FGD1: variants seen among roughly 807,000 people sequenced by gnomAD.
The protein encoded by FGD1 is FYVE, RhoGEF and PH domain-containing protein 1.
FGD1 carries 12 observed loss-of-function variants against 65.0 expected under a neutral mutation model. The observed-to-expected ratio is 0.18, with a 90% CI of 0.12 to 0.30. FGD1 has a LOEUF of 0.30. Among genes scored for constraint, FGD1 ranks in the 10% least tolerant of loss-of-function variants. The pLI, the probability that FGD1 is intolerant of heterozygous loss-of-function variation, is 1.00. For synonymous variants in FGD1, 333 were observed against 343.9 expected (o/e 0.97, Z 0.35); for missense variants, 542 against 837.6 (o/e 0.65, Z 4.36).
Position 54,468,859 on chromosome X carries a change from C to A in FGD1, c.1119G>T (p.Lys373Asn), listed in dbSNP as rs759381111. The change falls in exon 5 of 18, where the codon AAG (lysine) becomes AAT (asparagine). Residue 373 changes from lysine (K) to asparagine (N), a missense_variant. Around this residue, in one of 6 missense-constraint regions of FGD1, gnomAD observed 297 missense variants for 326.8 expected, o/e 0.91. Coordinates refer to ENST00000375135, the MANE Select transcript of FGD1 (RefSeq NM_004463.3). Reference protein sequence around the residue: ...QESVELTVQQKVFHIANELLQ... With the variant: ...QESVELTVQQNVFHIANELLQ... The stretch of plus-strand genomic sequence containing the variant: ...GGAGCTCATTGGCAATGTGAAACAC[C>A]TTTTGCTGCACAGTCAACTGGAAAG... 2 of 1,200,271 alleles carry A rather than the reference C, an allele frequency of 1.7e-6. No individual in the cohort carries two copies. Among genetic ancestry groups the A allele is most frequent in the African/African-American group, 3.5e-5 (2 of 56,826 alleles).
At chrX:54,477,112 CCACCACTGCCACTCGGACATCTCTTGT>C (rs1328654684) in intron 1 of FGD1, among the ~76,000 whole-genome samples, 2 of 112,894 alleles carry the variant, frequency 1.8e-5, no homozygotes, top group Non-Finnish European at 3.7e-5. Context: ...ACACACACAA[CCACCACTGCCACTCGGACATCTCTTGT>C]CACCTAGGAA....
chrX:54,456,615 G>T, intron 8 of FGD1, 48 bp from the exon 9 acceptor site: 2 of 1,041,400 alleles, frequency 1.9e-6, no homozygotes, highest in Non-Finnish European at 2.6e-6. Context: ...GCAGAGAGGA[G>T]CCTTTCCGGG....
chrX:54,471,017 A>G (rs1475050437), intron 2 of FGD1, among the ~76,000 whole-genome samples: 1 of 108,822 alleles, frequency 9.2e-6, no homozygotes, highest in Non-Finnish European at 1.9e-5. Flanking sequence ...CAAAAAAAAA[A>G]AAAAAAAAAG....
chrX:54,473,985 A>AT (rs201803535), intron 1 of FGD1, among the ~76,000 whole-genome samples: 1,403 of 106,758 alleles, frequency 0.013, 22 homozygotes, highest in African/African-American at 0.045. Flanking sequence ...ATCTCAAAAA[A>AT]AAAATATATA....
Position 54,455,606 on chromosome X carries a change from G to C in FGD1, c.1936-79C>G. The C allele has an allele frequency of 4.6e-6, 5 of 1,090,562 alleles. No individual in the cohort carries two copies. In the South Asian group the frequency reaches 9.5e-5, roughly 21 times the overall value. 89.9% of individuals were successfully genotyped at this position (1,090,562 alleles called of 1,213,427 possible). ...AGCCCTCTGCACACATACACACACA[G>C]ACTCGGGGTCAAAGCCAGCATCTTT... is the stretch of plus-strand genomic sequence containing the variant. On this transcript the variant is annotated intron_variant, in intron 11 of 17. Coordinates refer to ENST00000375135, the MANE Select transcript of FGD1 (RefSeq NM_004463.3).
At chrX:54,457,702 A>C (rs1474200251) in intron 8 of FGD1, among the ~76,000 whole-genome samples, 3 of 111,606 alleles carry the variant, frequency 2.7e-5, no homozygotes, top group East Asian at 5.6e-4. Flanking sequence ...AATTTATGTC[A>C]CAATGTTCAT....
chrX:54,478,929 G>A (rs1234261517), intron 1 of FGD1, among the ~76,000 whole-genome samples: 4 of 111,617 alleles, frequency 3.6e-5, no homozygotes, highest in Non-Finnish European at 7.5e-5. Flanking sequence ...GCAGATCAGG[G>A]CAGGATTCCT....
intron 16 of FGD1, among the ~76,000 whole-genome samples, chrX:54,447,952 A>G (rs1922274297): frequency 9.0e-6 from 1 of 111,679 alleles, no homozygotes; most frequent in African/African-American, 3.3e-5. Flanking sequence ...TAATATATGC[A>G]AAGTGCTTAG....
At chrX:54,473,961 G>A (rs1922957788) in intron 1 of FGD1, among the ~76,000 whole-genome samples, 1 of 109,496 alleles carries the variant, frequency 9.1e-6, no homozygotes, top group Non-Finnish European at 1.9e-5. Flanking sequence ...TCCAGCCTGG[G>A]CGACAGAGAC....
At chrX:54,470,850 A>C in intron 2 of FGD1, 90 bp from the exon 3 acceptor site, 1 of 482,780 alleles carries the variant, frequency 2.1e-6, no homozygotes, top group Non-Finnish European at 3.6e-6. Flanking sequence ...CTCTACTAAA[A>C]ATACAAAAAT....
chrX:54,453,216 C>T (rs1406784971), intron 12 of FGD1, among the ~76,000 whole-genome samples: 1 of 111,249 alleles, frequency 9.0e-6, no homozygotes, highest in African/African-American at 3.3e-5. Flanking sequence ...CTCTCACTTT[C>T]CCTGCTGCAG....
chrX:54,466,530 A>G (rs981292205), intron 6 of FGD1, among the ~76,000 whole-genome samples: 1 of 111,216 alleles, frequency 9.0e-6, no homozygotes, highest in Non-Finnish European at 1.9e-5. Context: ...CTGGATTGGA[A>G]GAAGGCCTGA....
At position 54,448,795 on chromosome X, in the gene FGD1, C is replaced by T. The variant is rs777465420; in HGVS notation, c.2436+11G>A. 13 of 1,210,560 alleles carry T rather than the reference C, an allele frequency of 1.1e-5. No homozygotes were observed. The highest frequency in any genetic ancestry group is 1.5e-5 in the Non-Finnish European group (13 of 895,014). On this transcript the variant is annotated intron_variant, in intron 16 of 17. Coordinates refer to ENST00000375135, the MANE Select transcript of FGD1 (RefSeq NM_004463.3). ...CCACTGTGGGAGAGTTAGTCAGGGG[C>T]TGGCTCTTACCTCCAGGATGGACCT...
At chrX:54,456,080 C>A in intron 10 of FGD1, 140 bp downstream of exon 10, 1 of 659,722 alleles carries the variant, frequency 1.5e-6, no homozygotes, top group Non-Finnish European at 2.3e-6. Flanking sequence ...GAATGACTAG[C>A]AGGAGGTATA....
intron 1 of FGD1, among the ~76,000 whole-genome samples, chrX:54,490,325 G>A (rs914355544): frequency 5.4e-5 from 6 of 110,599 alleles, no homozygotes; most frequent in African/African-American, 1.6e-4. Flanking sequence ...ATGTACCCCT[G>A]AACCTAAAAT....
At chrX:54,487,953 A>AAACC (rs1430504713) in intron 1 of FGD1, among the ~76,000 whole-genome samples, 3 of 105,294 alleles carry the variant, frequency 2.8e-5, no homozygotes, top group Non-Finnish European at 3.9e-5. Context: ...CCGTCTGAAA[A>AAACC]AACCAACCAA....
intron 1 of FGD1, among the ~76,000 whole-genome samples, chrX:54,484,901 G>T (rs1040847695): frequency 2.7e-5 from 3 of 112,790 alleles, no homozygotes; most frequent in African/African-American, 9.6e-5. Context: ...TCTGCCTAAG[G>T]CATTTAGCTA....
At chrX:54,483,437 C>T (rs995313569) in intron 1 of FGD1, among the ~76,000 whole-genome samples, 1 of 112,455 alleles carries the variant, frequency 8.9e-6, no homozygotes, top group African/African-American at 3.2e-5. Flanking sequence ...GGCGGAAGGG[C>T]TTCTATGCCA....
intron 9 of FGD1, 51 bp from the exon 10 acceptor site, chrX:54,456,417 C>T: frequency 8.3e-7 from 1 of 1,209,984 alleles, no homozygotes; most frequent in Non-Finnish European, 1.1e-6. Flanking sequence ...AGCCTCCTGT[C>T]AGATGCCCAC....
Sources: gnomAD v4.1 joint callset for allele counts (sites outside exome capture counted in the v4.1 genomes callset) on GRCh38, gnomAD v4.1.1 for gene constraint, gnomAD v4.1.1 regional missense constraint, MANE v1.5 for transcripts, NCBI Gene and HGNC (gene_info 2026-07-23, HGNC 2026-07-21) for gene names.